PTPRA: variants seen among roughly 807,000 people sequenced by gnomAD.
The protein encoded by PTPRA is protein tyrosine phosphatase receptor type A.
In PTPRA, 25 loss-of-function variants were observed where a neutral mutation model predicts 104.8. The ratio of observed to expected loss-of-function variants is 0.24; its 90% CI spans 0.17 to 0.33. The LOEUF (loss-of-function observed/expected upper bound fraction) is 0.33. PTPRA is among the 10% of genes least tolerant of loss of function. PTPRA has a pLI of 1.00. For synonymous variants in PTPRA, 323 were observed against 368.9 expected, an observed-to-expected ratio of 0.88 and a Z score of 1.43; for missense variants, 765 against 1,015.3, an observed-to-expected ratio of 0.75 and a Z score of 3.35.
chr20:3,006,972 G>A (rs1033746616), intron 10 of PTPRA, among the ~76,000 whole-genome samples: 18 of 152,240 alleles, frequency 1.2e-4, no homozygotes, highest in African/African-American at 4.1e-4. Context: ...AGGGGGATGT[G>A]TGTATGTGTG....
intron 1 of PTPRA, among the ~76,000 whole-genome samples, chr20:2,879,161 G>A (rs923606459): frequency 6.6e-6 from 1 of 152,146 alleles, no homozygotes; most frequent in African/African-American, 2.4e-5. Flanking sequence ...ATAGGGTGTC[G>A]GGAGTGTCAG....
intron 1 of PTPRA, among the ~76,000 whole-genome samples, chr20:2,881,496 T>G (rs1449317928): frequency 1.3e-5 from 2 of 152,248 alleles, no homozygotes; most frequent in African/African-American, 4.8e-5. Flanking sequence ...CTAACTTCAA[T>G]TATTAAAATT....
In PTPRA at chr20:2,982,467, G is replaced by A. The variant is rs148258557; in HGVS notation, c.443-4298G>A. 2.0e-5 allele frequency among the ~76,000 whole-genome samples: 3 copies of A among 152,002 alleles called. No homozygotes were observed. In the South Asian group the frequency reaches 6.2e-4, roughly 31 times the overall value. ...ATTTTTTTTTGTTCTTTGGCTCAAC[G>A]TAATCCATTGTTTGTTTTGTGCCTG... On this transcript the variant is annotated intron_variant, in intron 6 of 23. Coordinates refer to ENST00000399903, the MANE Select transcript of PTPRA (RefSeq NM_001385305.1).
intron 4 of PTPRA, 80 bp from the exon 5 acceptor site, chr20:2,964,780 TA>T: frequency 7.9e-7 from 1 of 1,268,476 alleles, no homozygotes. Context: ...GAGAGTTTAT[TA>T]AGGCTTGCTG....
chr20:2,865,776 C>T, the PTPRA span: 1 of 508,022 alleles, frequency 2.0e-6, no homozygotes, highest in South Asian at 2.2e-5. This position sits in a 1 kb window ranked among gnomAD's most constrained non-coding sequence, Gnocchi z 5.2. Flanking sequence ...GAGGGAAAGT[C>T]TTGTCTGAGG....
intron 9 of PTPRA, among the ~76,000 whole-genome samples, chr20:2,993,150 G>C (rs975036935): frequency 2.6e-5 from 4 of 152,240 alleles, no homozygotes; most frequent in African/African-American, 9.6e-5. Context: ...TGAGAGATCA[G>C]AGTTGGATGC....
intron 20 of PTPRA, among the ~76,000 whole-genome samples, chr20:3,030,831 A>C (rs922872686): frequency 6.6e-6 from 1 of 151,862 alleles, no homozygotes; most frequent in Non-Finnish European, 1.5e-5. Flanking sequence ...GATTACAGGC[A>C]TGCACTACCA....
chr20:2,906,593 G>C (rs892539751), intron 1 of PTPRA, among the ~76,000 whole-genome samples: 6 of 152,132 alleles, frequency 3.9e-5, no homozygotes, highest in Non-Finnish European at 8.8e-5. Context: ...CTAATGAGAA[G>C]AATGGAGTTC....
intron 6 of PTPRA, among the ~76,000 whole-genome samples, chr20:2,981,967 GT>G (rs1354982133): frequency 6.6e-6 from 1 of 152,120 alleles, no homozygotes; most frequent in Non-Finnish European, 1.5e-5. Context: ...CAGATATGCT[GT>G]TGATTCATTA....
chr20:2,932,444 A>C (rs2060541312), intron 2 of PTPRA, among the ~76,000 whole-genome samples: 1 of 152,206 alleles, frequency 6.6e-6, no homozygotes, highest in Non-Finnish European at 1.5e-5. Context: ...GTCTATTTGT[A>C]AACAAAGGGG....
At chr20:2,910,762 C>T (rs1290297283) in intron 1 of PTPRA, among the ~76,000 whole-genome samples, 1 of 150,098 alleles carries the variant, frequency 6.7e-6, no homozygotes, top group Non-Finnish European at 1.5e-5. Flanking sequence ...ACCCACCACA[C>T]GTCCAGCTAA....
At chr20:3,036,358 C>T (rs893466572) in intron 22 of PTPRA, among the ~76,000 whole-genome samples, 3 of 152,188 alleles carry the variant, frequency 2.0e-5, no homozygotes, top group East Asian at 1.9e-4. Flanking sequence ...CTGGAGGTTA[C>T]GTTTTAGAAA....
intron 1 of PTPRA, among the ~76,000 whole-genome samples, chr20:2,910,609 A>AT (rs2059685799): frequency 6.7e-4 from 18 of 27,002 alleles, no homozygotes; most frequent in African/African-American, 2.0e-3. Flanking sequence ...TGTTTTTTTT[A>AT]ATTTTTTTTT....
rs888945091 is a variant in PTPRA, at chr20:2,873,775, C to G, written c.-129+15C>G. Reference sequence around the variant, plus strand: ...CGCCCGACTCTGTGAGTGTTCGCGGCCGCTGCGCCCGGGTGGGCTCCGGAA... The same window carrying G: ...CGCCCGACTCTGTGAGTGTTCGCGGGCGCTGCGCCCGGGTGGGCTCCGGAA... On this transcript the variant is annotated intron_variant, in intron 1 of 23. Coordinates refer to ENST00000399903, the MANE Select transcript of PTPRA (RefSeq NM_001385305.1). The surrounding 1 kb of genome is among the most constrained non-coding windows in gnomAD (Gnocchi z 4.4). 9 of 152,210 alleles carry G rather than the reference C, an allele frequency of 5.9e-5. No individual in the cohort carries two copies. The East Asian group carries it at 1.8e-3, about 30-fold the overall frequency. The allele number at this position is 152,210 out of a possible 1,614,324, so 9.4% of individuals were successfully genotyped here. A position where few individuals can be genotyped will look rare whatever the true frequency, so the allele number is the denominator to read the frequency against.
At chr20:2,922,712 A>G (rs1455547614) in intron 1 of PTPRA, among the ~76,000 whole-genome samples, 2 of 151,736 alleles carry the variant, frequency 1.3e-5, no homozygotes, top group Non-Finnish European at 2.9e-5. Context: ...ATCTGGGCTC[A>G]CTGCAGCCTC....
At chr20:3,009,120 A>G (rs979199632) in intron 11 of PTPRA, among the ~76,000 whole-genome samples, 2 of 152,204 alleles carry the variant, frequency 1.3e-5, no homozygotes, top group Non-Finnish European at 2.9e-5. Context: ...CCGTGTGCTC[A>G]TGGTTGTGTA....
chr20:2,909,887 TATA>T (rs1229113951), intron 1 of PTPRA, among the ~76,000 whole-genome samples: 25 of 130,978 alleles, frequency 1.9e-4, no homozygotes, highest in Admixed American at 6.0e-4. Context: ...ATATATTAAT[TATA>T]ATATATAATA....
intron 1 of PTPRA, among the ~76,000 whole-genome samples, chr20:2,895,929 G>GT (rs1414154122): frequency 6.6e-6 from 1 of 151,970 alleles, no homozygotes; most frequent in African/African-American, 2.4e-5. Flanking sequence ...TTTTGGTTCA[G>GT]TTTTTTCAAT....
At chr20:2,969,584 G>A (rs2062083287) in intron 5 of PTPRA, among the ~76,000 whole-genome samples, 2 of 142,228 alleles carry the variant, frequency 1.4e-5, no homozygotes, top group African/African-American at 5.2e-5. Context: ...GCCGGGCGCG[G>A]CGGCTCATGC....
Sources: gnomAD v4.1 joint callset for allele counts (sites outside exome capture counted in the v4.1 genomes callset) on GRCh38, gnomAD v4.1.1 for gene constraint, Gnocchi (gnomAD v3.1) non-coding constraint, MANE v1.5 for transcripts, NCBI Gene and HGNC (gene_info 2026-07-23, HGNC 2026-07-21) for gene names.